VCL: variants seen among roughly 807,000 people sequenced by gnomAD.
VCL encodes the protein vinculin.
In VCL, 47 loss-of-function variants were observed where a neutral mutation model predicts 125.7. The ratio of observed to expected loss-of-function variants is 0.37; its 90% CI spans 0.30 to 0.48. VCL has a LOEUF of 0.48. Among genes scored for constraint, VCL ranks in the 20% least tolerant of loss-of-function variants. VCL has a pLI of 0.99. For synonymous variants in VCL, 458 were observed against 514.6 expected, an observed-to-expected ratio of 0.89 and a Z score of 1.49; for missense variants, 1,069 against 1,455.5, an observed-to-expected ratio of 0.73 and a Z score of 4.32.
intron 19 of VCL, among the ~76,000 whole-genome samples, chr10:74,112,847 G>A (rs927225560): frequency 1.3e-5 from 2 of 152,138 alleles, no homozygotes; most frequent in African/African-American, 4.8e-5. Flanking sequence ...TTTGAAGAGT[G>A]ATGGGTAGTC....
intron 2 of VCL, among the ~76,000 whole-genome samples, chr10:74,054,998 C>T (rs1182305823): frequency 6.6e-6 from 1 of 151,830 alleles, no homozygotes; most frequent in Non-Finnish European, 1.5e-5. Context: ...TTAAGAAATG[C>T]ATAAAAACAA....
chr10:74,102,055 C>T (rs542253537), intron 14 of VCL, among the ~76,000 whole-genome samples: 1 of 151,686 alleles, frequency 6.6e-6, no homozygotes, highest in South Asian at 2.1e-4. Context: ...TTAGTAGAGA[C>T]AGGGTTTCTC....
rs1005247048 is a variant in VCL, at chr10:74,119,470, T to G, written c.*1301T>G. The G allele has an allele frequency of 1.3e-5, 2 of 152,256 alleles. No homozygotes were observed. Among genetic ancestry groups the G allele is most frequent in the African/African-American group, 4.8e-5 (2 of 41,464 alleles). 9.4% of individuals were successfully genotyped at this position (152,256 alleles called of 1,614,324 possible). A position where few individuals can be genotyped will look rare whatever the true frequency, so the allele number is the denominator to read the frequency against. On this transcript the variant is annotated 3_prime_UTR_variant, in exon 22 of 22. Transcript: ENST00000211998. ...AGCTCTCTGCATCTACTCCCAAGTA[T>G]GGGGTTCAAGAGAGTAATGGGTTTC...
At chr10:74,078,710 G>C (rs1839632355) in intron 6 of VCL, among the ~76,000 whole-genome samples, 1 of 152,130 alleles carries the variant, frequency 6.6e-6, no homozygotes, top group South Asian at 2.1e-4. Flanking sequence ...ACCCAGAGAA[G>C]GTAACTTGCA....
chr10:74,084,473 A>G (rs1839735340), intron 8 of VCL, among the ~76,000 whole-genome samples: 1 of 151,306 alleles, frequency 6.6e-6, no homozygotes, highest in African/African-American at 2.4e-5. Context: ...TTATAATTTT[A>G]GTAGAGACAG....
At chr10:74,070,054 C>G (rs1841639992) in intron 2 of VCL, among the ~76,000 whole-genome samples, 1 of 151,952 alleles carries the variant, frequency 6.6e-6, no homozygotes, top group African/African-American at 2.4e-5. Context: ...ATGGATTTAT[C>G]AAACAAATTT....
At chr10:74,048,466 A>G (rs1328365753) in intron 2 of VCL, among the ~76,000 whole-genome samples, 1 of 146,934 alleles carries the variant, frequency 6.8e-6, no homozygotes, top group East Asian at 2.0e-4. Flanking sequence ...CTCTGTCTCA[A>G]AAAAAAAAAA....
intron 1 of VCL, among the ~76,000 whole-genome samples, chr10:74,014,028 A>G (rs993573913): frequency 2.0e-5 from 3 of 152,208 alleles, no homozygotes; most frequent in Non-Finnish European, 2.9e-5. Flanking sequence ...GGAAAATATC[A>G]CAGTTTTAGG....
At chr10:74,077,756 GA>G (rs1236617665) in intron 6 of VCL, 7 of 454,968 alleles carry the variant, frequency 1.5e-5, no homozygotes, top group Admixed American at 1.2e-4. Flanking sequence ...AAAGTAAGTG[GA>G]AAAAATTCTT....
chr10:74,065,222 C>T (rs764647724), intron 2 of VCL, among the ~76,000 whole-genome samples: 9 of 151,456 alleles, frequency 5.9e-5, no homozygotes, highest in South Asian at 2.1e-4. Context: ...ATGCAACCTC[C>T]GCCTCCCAGG....
In VCL at chr10:74,105,171, CTGGGGCAA is replaced by C; in HGVS notation, c.2253_2260del (p.Gly752GlnfsTer14). 1 of 1,614,158 alleles carries C rather than the reference CTGGGGCAA, an allele frequency of 6.2e-7. No homozygotes were observed. The highest frequency in any genetic ancestry group is 8.5e-7 in the Non-Finnish European group (1 of 1,180,032). On this transcript the variant is annotated frameshift_variant, in exon 16 of 22. Coordinates refer to ENST00000211998, the MANE Select transcript of VCL (RefSeq NM_014000.3). LOFTEE classifies it high-confidence loss of function. ...AACATTCAGCCTCAGATGCTGGTTG[CTGGGGCAA>C]CCAGTATTGCTCGTCGGGCCAACCG...
At chr10:74,056,830 T>C (rs1841399955) in intron 2 of VCL, among the ~76,000 whole-genome samples, 1 of 152,180 alleles carries the variant, frequency 6.6e-6, no homozygotes, top group South Asian at 2.1e-4. Flanking sequence ...ATCTCTACTG[T>C]TTTAAAGTAC....
Position 74,109,140 on chromosome 10 carries a change from G to A in VCL, c.2729G>A (p.Arg910His), listed in dbSNP as rs1840181770. The change falls in exon 18 of 22, where the codon CGC becomes CAC. Residue 910 changes from arginine (R) to histidine (H), a missense_variant. Arg to His is a conservative substitution (Grantham distance 29, BLOSUM62 0). This residue lies in a region of VCL where 28 missense variants were observed against 65.1 expected (regional missense o/e 0.43). Transcript: ENST00000211998. ...GCCAGACAGCTCCATGATGAAGCTCGCAAATGGTCCAGCAAGGTAAGTAGT... is the reference window on the plus strand; with the variant it reads ...GCCAGACAGCTCCATGATGAAGCTCACAAATGGTCCAGCAAGGTAAGTAGT... Reference protein sequence around the residue: ...MAARQLHDEARKWSSKPGIPA... With the variant: ...MAARQLHDEAHKWSSKPGIPA... The A allele has an allele frequency of 1.2e-6, 2 of 1,614,094 alleles. No homozygotes were observed. The highest frequency in any genetic ancestry group is 1.7e-4 in the Middle Eastern group (1 of 6,060).
chr10:74,030,034 C>T (rs983636271), intron 1 of VCL, among the ~76,000 whole-genome samples: 1 of 152,146 alleles, frequency 6.6e-6, no homozygotes, highest in African/African-American at 2.4e-5. Flanking sequence ...TAAAATTTCA[C>T]TTAACACTCA....
chr10:74,027,998 T>G (rs547696984), intron 1 of VCL: 1 of 152,198 alleles, frequency 6.6e-6, no homozygotes, highest in Non-Finnish European at 1.5e-5. Flanking sequence ...TCCAGTGATG[T>G]TTTCCTCTTT....
In VCL at chr10:74,089,443, A is replaced by G. The variant is rs189251002; in HGVS notation, c.1176+94A>G. 1.2e-4 allele frequency: 181 copies of G among 1,565,414 alleles called. No individual in the cohort carries two copies. The African/African-American group carries it at 2.3e-3, about 20-fold the overall frequency. Reference sequence around the variant, plus strand: ...CTTTCTTCTCTGTCTCTTATCATTTACTGTGGTTGGATAATGGTTTCTAAG... The same window carrying G: ...CTTTCTTCTCTGTCTCTTATCATTTGCTGTGGTTGGATAATGGTTTCTAAG... On this transcript the variant is annotated intron_variant, in intron 9 of 21. Transcript: ENST00000211998.
At chr10:74,092,163 C>T (rs1385855727) in intron 10 of VCL, among the ~76,000 whole-genome samples, 2 of 152,118 alleles carry the variant, frequency 1.3e-5, no homozygotes, top group African/African-American at 4.8e-5. Context: ...CCACCTCAGC[C>T]TCCCAAGTCC....
At chr10:74,104,228 C>A (rs976816420) in intron 15 of VCL, among the ~76,000 whole-genome samples, 1 of 152,144 alleles carries the variant, frequency 6.6e-6, no homozygotes, top group Non-Finnish European at 1.5e-5. Flanking sequence ...AGTCCGAGCC[C>A]GAGTTTGGTT....
In VCL at chr10:74,002,113, A is replaced by G. The variant is rs181989881; in HGVS notation, c.168+3738A>G. ...AAGTGTGATGCCTGTCACAATCAGT[A>G]TGATACTGAATTGGAAGTCTTTTTT... On this transcript the variant is annotated intron_variant, in intron 1 of 21. Coordinates refer to ENST00000211998, the MANE Select transcript of VCL (RefSeq NM_014000.3). Among the ~76,000 whole-genome samples, 3 of 152,278 alleles carry G rather than the reference A, an allele frequency of 2.0e-5. No individual in the cohort carries two copies. The East Asian group carries it at 5.8e-4, about 29-fold the overall frequency.
Sources: gnomAD v4.1 joint callset for allele counts (sites outside exome capture counted in the v4.1 genomes callset) on GRCh38, gnomAD v4.1.1 for gene constraint, gnomAD v4.1.1 regional missense constraint, MANE v1.5 for transcripts, NCBI Gene and HGNC (gene_info 2026-07-23, HGNC 2026-07-21) for gene names.